The following USP38 variants were observed in gnomAD, a reference collection of about 807,000 sequenced individuals.
USP38 encodes the protein ubiquitin specific peptidase 38, also known as ubiquitin carboxyl-terminal hydrolase 38.
In USP38, 49 loss-of-function variants were observed where a neutral mutation model predicts 94.3. That is an observed-to-expected ratio of 0.52 (90% CI 0.41 to 0.66). The LOEUF is 0.66. Ranked by LOEUF, USP38 falls within the 30% of genes least tolerant of loss-of-function variation. USP38 has a pLI of 0.00. For missense variants in USP38, 1,128 were observed against 1,229.4 expected (o/e 0.92, Z 1.23); for synonymous variants, 468 against 463.6 (o/e 1.01, Z -0.12).
chr4:143,211,767 A>C (rs146414647), intron 7 of USP38, among the ~76,000 whole-genome samples: 171 of 152,300 alleles, frequency 1.1e-3, no homozygotes, highest in African/African-American at 3.9e-3. Context: ...CAGCCTCTAT[A>C]CTTTAAAACA....
chr4:143,189,124 G>C (rs192492703), intron 2 of USP38, among the ~76,000 whole-genome samples: 11 of 152,094 alleles, frequency 7.2e-5, no homozygotes, highest in East Asian at 5.8e-4. Flanking sequence ...GATGAAGAAG[G>C]CTTCACTAAG....
chr4:143,188,372 C>G (rs1049273357), intron 2 of USP38, among the ~76,000 whole-genome samples: 6 of 151,830 alleles, frequency 4.0e-5, no homozygotes, highest in African/African-American at 1.5e-4. Flanking sequence ...TTTGCCTTTG[C>G]CTGTTTGAAT....
chr4:143,223,231 G>A lies in USP38; in HGVS notation c.*2775G>A, dbSNP rs1008177216. On this transcript the variant is annotated 3_prime_UTR_variant, in exon 10 of 10. Coordinates refer to ENST00000307017, the MANE Select transcript of USP38 (RefSeq NM_032557.6). ...GGATTCTAGCTCATTTTCCATTCAA[G>A]CATCTTCCCACTGCCTCTCTTCCAG... The A allele has an allele frequency of 3.9e-5, 6 of 152,054 alleles. No homozygotes were observed. Among genetic ancestry groups the A allele is most frequent in the Non-Finnish European group, 5.9e-5 (4 of 67,960 alleles). 9.4% of individuals were successfully genotyped at this position (152,054 alleles called of 1,614,324 possible).
At chr4:143,216,154 C>T (rs1732176579) in intron 9 of USP38, among the ~76,000 whole-genome samples, 1 of 152,122 alleles carries the variant, frequency 6.6e-6, no homozygotes, top group South Asian at 2.1e-4. Flanking sequence ...AGTGATTTTC[C>T]AGTTTATCTT....
chr4:143,205,337 G>T (rs1033219858), intron 5 of USP38, among the ~76,000 whole-genome samples: 1 of 152,124 alleles, frequency 6.6e-6, no homozygotes, highest in Non-Finnish European at 1.5e-5. Context: ...ATCCAGATAA[G>T]CCCTAATGAT....
At chr4:143,189,318 G>A (rs1731326616) in intron 2 of USP38, among the ~76,000 whole-genome samples, 1 of 151,826 alleles carries the variant, frequency 6.6e-6, no homozygotes, top group Non-Finnish European at 1.5e-5. Context: ...AGTTTTTTGT[G>A]TCTGTCTGTT....
chr4:143,204,722 AAACATACTT>A (rs1357219363), intron 5 of USP38, among the ~76,000 whole-genome samples: 2 of 152,138 alleles, frequency 1.3e-5, no homozygotes, highest in Non-Finnish European at 2.9e-5. Context: ...GGATCACAAT[AAACATACTT>A]TCCTCTCAGT....
intron 2 of USP38, among the ~76,000 whole-genome samples, chr4:143,192,547 T>C (rs1316595141): frequency 8.7e-6 from 1 of 114,318 alleles, no homozygotes; most frequent in Non-Finnish European, 1.8e-5. Context: ...AGATCCCATA[T>C]TACTTTTTTT....
intron 2 of USP38, among the ~76,000 whole-genome samples, 183 bp downstream of exon 2, chr4:143,188,144 A>G (rs1731283518): frequency 6.6e-6 from 1 of 152,134 alleles, no homozygotes; most frequent in Non-Finnish European, 1.5e-5. Flanking sequence ...ATAATTCACA[A>G]ATCTATTTTC....
At chr4:143,191,880 T>C (rs1183857157) in intron 2 of USP38, among the ~76,000 whole-genome samples, 3 of 152,226 alleles carry the variant, frequency 2.0e-5, no homozygotes, top group Admixed American at 1.3e-4. Context: ...CACTGATACA[T>C]GGTGGATAAG....
chr4:143,186,541 T>C (rs1731229984), intron 1 of USP38, among the ~76,000 whole-genome samples: 1 of 152,176 alleles, frequency 6.6e-6, no homozygotes, highest in African/African-American at 2.4e-5. Context: ...TTTTCCCCCA[T>C]TTTTGTATTT....
rs1732344274 is a variant in USP38 at position 143,222,292 on chromosome 4, C to T, written c.*1836C>T. On this transcript the variant is annotated 3_prime_UTR_variant, in exon 10 of 10. Transcript: ENST00000307017. Reference sequence around the variant, plus strand: ...TGATAAAATGAATTCTAGTTAGAGTCTTTCCTTGGTATCTGCAGTGGATTG... The same window carrying T: ...TGATAAAATGAATTCTAGTTAGAGTTTTTCCTTGGTATCTGCAGTGGATTG... 1 of 151,950 alleles carries T rather than the reference C, an allele frequency of 6.6e-6. No individual in the cohort carries two copies. The highest frequency in any genetic ancestry group is 2.1e-4 in the South Asian group (1 of 4,828). 9.4% of individuals were successfully genotyped at this position (151,950 alleles called of 1,614,324 possible).
intron 5 of USP38, 91 bp downstream of exon 5, chr4:143,203,657 A>G (rs551001673): frequency 2.0e-5 from 27 of 1,345,742 alleles, no homozygotes; most frequent in Admixed American, 1.3e-4. Context: ...TTACTATTTT[A>G]TGGTAATATG....
intron 1 of USP38, 136 bp downstream of exon 1, chr4:143,186,268 A>G (rs941854853): frequency 5.6e-5 from 47 of 842,990 alleles, no homozygotes; most frequent in Non-Finnish European, 8.5e-5. Flanking sequence ...CCTCATCCCA[A>G]ATTTATTCAC....
rs201213489 is a variant in USP38 at position 143,213,981 on chromosome 4, T to G, written c.2005T>G (p.Cys669Gly). The part of the protein sequence containing the change: ...VYNPTTAAFI[C>G]DSLVNEKTIG... The stretch of plus-strand genomic sequence containing the variant: ...TAATCCAACAACAGCTGCCTTCATC[T>G]GTGACTCACTTGTGAATGAAAAAAC... Residue 669 changes from cysteine (C) to glycine (G), a missense_variant, in exon 9 of 10, where the codon TGT (cysteine) becomes GGT (glycine). By Grantham distance (159) the Cys-to-Gly change is radical (BLOSUM62 -3). Coordinates refer to ENST00000307017, the MANE Select transcript of USP38 (RefSeq NM_032557.6). The G allele has an allele frequency of 2.1e-5, 34 of 1,613,612 alleles. No individual in the cohort carries two copies. Among genetic ancestry groups the G allele is most frequent in the Non-Finnish European group, 2.9e-5 (34 of 1,179,814 alleles).
Position 143,202,931 on chromosome 4 carries a change from A to G in USP38, c.1051-477A>G, listed in dbSNP as rs374056942. Among the ~76,000 whole-genome samples the G allele has an allele frequency of 1.4e-4, 22 of 152,208 alleles. No individual in the cohort carries two copies. The East Asian group carries it at 1.7e-3, about 12-fold the overall frequency. On this transcript the variant is annotated intron_variant, in intron 4 of 9. Transcript: ENST00000307017. ...ACCTGAGCTGCAATTTTAGTTACTC[A>G]TGTAAAGATTTTCTTGAAGTAGACT...
chr4:143,189,520 C>G (rs962031300), intron 2 of USP38, among the ~76,000 whole-genome samples: 10 of 152,058 alleles, frequency 6.6e-5, no homozygotes, highest in African/African-American at 2.4e-4. Context: ...ACTTCACTCT[C>G]TGTAACACAA....
rs1731856793 is a variant in USP38 at position 143,206,080 on chromosome 4, A to G, written c.1257A>G (p.Gln419=). 1 of 1,612,330 alleles carries G rather than the reference A, an allele frequency of 6.2e-7. No individual in the cohort carries two copies. The highest frequency in any genetic ancestry group is 1.1e-5 in the South Asian group (1 of 90,622). ...AGAAGATTAAGTTAATTCTCAATCA[A>G]AGTGCCTGGACTTCTCAATCCAATT... is the stretch of plus-strand genomic sequence containing the variant. ...SEEKIKLILN[Q]SAWTSQSNSL... is the part of the protein sequence containing the mutation. The change falls in exon 6 of 10, where the codon CAA becomes CAG. Residue 419 remains glutamine, a synonymous_variant. Transcript: ENST00000307017.
In USP38 at chr4:143,189,484, T is replaced by C. The variant is rs149252418; in HGVS notation, c.818+1523T>C. ...TAACATATAAACTGAGCTATTCATATTGAGTTCTCAGCTGCATTTGTACTA... is the reference window on the plus strand; with the variant it reads ...TAACATATAAACTGAGCTATTCATACTGAGTTCTCAGCTGCATTTGTACTA... On this transcript the variant is annotated intron_variant, in intron 2 of 9. Coordinates refer to ENST00000307017, the MANE Select transcript of USP38 (RefSeq NM_032557.6). 2.1e-3 allele frequency among the ~76,000 whole-genome samples: 317 copies of C among 152,210 alleles called. 1 individual carries two copies. Among genetic ancestry groups the C allele is most frequent in the African/African-American group, 7.1e-3 (296 of 41,582 alleles).
Sources: gnomAD v4.1 joint callset for allele counts (sites outside exome capture counted in the v4.1 genomes callset) on GRCh38, gnomAD v4.1.1 for gene constraint, MANE v1.5 for transcripts, NCBI Gene and HGNC (gene_info 2026-07-23, HGNC 2026-07-21) for gene names.